Variants in RACK1 observed in about 807,000 individuals in gnomAD.
The protein encoded by RACK1 is receptor for activated C kinase 1, also known as small ribosomal subunit protein RACK1.
RACK1 carries 3 observed loss-of-function variants against 42.2 expected under a neutral mutation model. The ratio of observed to expected loss-of-function variants is 0.07; its 90% CI spans 0.03 to 0.18. The LOEUF is 0.18. RACK1 is among the 10% of genes least tolerant of loss of function. RACK1 has a pLI of 1.00. For synonymous variants in RACK1, 181 were observed against 154.8 expected (o/e 1.17, Z -1.25); for missense variants, 146 against 403.2 (o/e 0.36, Z 5.46).
chr5:181,242,471 G>C, intron 1 of RACK1, 126 bp from the exon 2 acceptor site: 1 of 684,830 alleles, frequency 1.5e-6, no homozygotes, highest in Non-Finnish European at 2.6e-6. Context: ...AAGGAGGGAT[G>C]GAAACAACAG....
chr5:181,237,879 G>C (rs1759198831), intron 6 of RACK1, 160 bp from the exon 7 acceptor site: 1 of 660,528 alleles, frequency 1.5e-6, no homozygotes, highest in Non-Finnish European at 2.7e-6. Flanking sequence ...TGGAAGGATG[G>C]TTTGCTACTG....
At chr5:181,239,950 C>G (rs1172947082) in intron 3 of RACK1, among the ~76,000 whole-genome samples, 1 of 152,082 alleles carries the variant, frequency 6.6e-6, no homozygotes, top group Non-Finnish European at 1.5e-5. Context: ...GAGGCTCAGG[C>G]AGGAACACTG....
Position 181,238,443 on chromosome 5 carries a change from C to T in RACK1, c.637-204G>A. The T allele has an allele frequency of 5.5e-6, 3 of 550,168 alleles. No homozygotes were observed. The South Asian group carries it at 6.7e-5, about 12-fold the overall frequency. 34.1% of individuals were successfully genotyped at this position (550,168 alleles called of 1,614,324 possible). ...TTACCAACCCCATCAAAAAACCCCT[C>T]CCAACTTACATAAATCACTCCAATC... On this transcript the variant is annotated intron_variant, in intron 5 of 7. Coordinates refer to ENST00000512805, the MANE Select transcript of RACK1 (RefSeq NM_006098.5).
intron 5 of RACK1, 151 bp from the exon 6 acceptor site, chr5:181,238,390 CTG>C: frequency 1.4e-6 from 1 of 729,996 alleles, no homozygotes; most frequent in South Asian, 1.8e-5. Flanking sequence ...ATATTTATCT[CTG>C]TATACCTTTC....
chr5:181,238,014 G>A, intron 6 of RACK1, 85 bp downstream of exon 6: 1 of 1,424,658 alleles, frequency 7.0e-7, no homozygotes, highest in South Asian at 1.2e-5. Context: ...TCCCAGGTGG[G>A]AGTCAGATGG....
chr5:181,238,533 G>C, intron 5 of RACK1: 1 of 367,662 alleles, frequency 2.7e-6, no homozygotes. Flanking sequence ...GGCTGGGTGC[G>C]GTGGCTCATG....
intron 2 of RACK1, 50 bp from the exon 3 acceptor site, chr5:181,241,689 A>G: frequency 6.3e-7 from 1 of 1,591,522 alleles, no homozygotes; most frequent in Non-Finnish European, 8.6e-7. Context: ...ACTCTCATTC[A>G]ACGGTCAGAC....
intron 5 of RACK1, chr5:181,238,866 T>C: frequency 1.6e-6 from 1 of 625,662 alleles, no homozygotes; most frequent in South Asian, 1.6e-5. Flanking sequence ...TAGAAAATCA[T>C]CTTTTTCTTC....
intron 6 of RACK1, 162 bp from the exon 7 acceptor site, chr5:181,237,881 T>G: frequency 1.5e-6 from 1 of 661,920 alleles, no homozygotes; most frequent in Non-Finnish European, 2.7e-6. Context: ...GAAGGATGGT[T>G]TGCTACTGAC....
intron 3 of RACK1, 52 bp from the exon 4 acceptor site, chr5:181,239,634 C>A (rs757359632): frequency 8.4e-7 from 1 of 1,191,568 alleles, no homozygotes; most frequent in Non-Finnish European, 1.2e-6. Flanking sequence ...CCATGAAATG[C>A]TAGACCTCCC....
chr5:181,239,248 G>C, intron 4 of RACK1, 71 bp from the exon 5 acceptor site: 1 of 1,031,010 alleles, frequency 9.7e-7, no homozygotes, highest in Non-Finnish European at 1.5e-6. Flanking sequence ...CAACAAAAAA[G>C]GGCTTGGCAC....
At chr5:181,241,847 C>T (rs1368312585) in intron 2 of RACK1, 1 of 777,814 alleles carries the variant, frequency 1.3e-6, no homozygotes, top group Non-Finnish European at 2.3e-6. Context: ...TGTCCTCACT[C>T]CCACTTGGGG....
chr5:181,236,937 G>C lies in RACK1; in HGVS notation c.*40C>G. 1 of 1,554,614 alleles carries C rather than the reference G, an allele frequency of 6.4e-7. No individual in the cohort carries two copies. Among genetic ancestry groups the C allele is most frequent in the Non-Finnish European group, 8.6e-7 (1 of 1,160,884 alleles). On this transcript the variant is annotated 3_prime_UTR_variant, in exon 8 of 8. Coordinates refer to ENST00000512805, the MANE Select transcript of RACK1 (RefSeq NM_006098.5). ...AAAAAAAAACCTAAAAGTCAGAAAA[G>C]CCAGTTTTTTTTTTATTTGTAAAGC...
At chr5:181,240,840 CAAAG>C (rs1759315571) in intron 3 of RACK1, 1 of 152,112 alleles carries the variant, frequency 6.6e-6, no homozygotes, top group South Asian at 2.1e-4. Context: ...TTTAAAAAGG[CAAAG>C]AAAGCGGGGG....
intron 3 of RACK1, 25 bp from the exon 4 acceptor site, chr5:181,239,607 G>A: frequency 6.8e-7 from 1 of 1,478,492 alleles, no homozygotes; most frequent in Non-Finnish European, 9.5e-7. Flanking sequence ...AAGGAAATTA[G>A]GGCAAACAGT....
chr5:181,240,056 A>G (rs1759282136), intron 3 of RACK1, among the ~76,000 whole-genome samples: 1 of 152,030 alleles, frequency 6.6e-6, no homozygotes, highest in South Asian at 2.1e-4. Flanking sequence ...TCCAAAAAAA[A>G]TATAATAATA....
At chr5:181,242,719 A>C (rs1425812664) in intron 1 of RACK1, 1 of 355,982 alleles carries the variant, frequency 2.8e-6, no homozygotes, top group Non-Finnish European at 5.5e-6. Context: ...GGCACCTGCC[A>C]GCACGTCTGG....
chr5:181,241,297 C>T, intron 3 of RACK1, 195 bp downstream of exon 3: 1 of 549,952 alleles, frequency 1.8e-6, no homozygotes, highest in Non-Finnish European at 3.2e-6. Context: ...GGCGTGGTGG[C>T]TGCGCACCTG....
intron 3 of RACK1, 64 bp from the exon 4 acceptor site, chr5:181,239,646 G>T: frequency 2.0e-6 from 2 of 1,024,782 alleles, no homozygotes; most frequent in Non-Finnish European, 3.0e-6. Context: ...AGACCTCCCA[G>T]CCCTACCCCT....
Sources: gnomAD v4.1 joint callset for allele counts (sites outside exome capture counted in the v4.1 genomes callset) on GRCh38, gnomAD v4.1.1 for gene constraint, MANE v1.5 for transcripts, NCBI Gene and HGNC (gene_info 2026-07-23, HGNC 2026-07-21) for gene names.